The following SOX5 variants were observed in gnomAD, a reference collection of about 807,000 sequenced individuals.
SOX5 encodes the protein transcription factor SOX-5.
A neutral mutation model predicts 92.0 loss-of-function variants in SOX5; 9 were observed. The ratio of observed to expected loss-of-function variants is 0.10; its 90% confidence interval spans 0.06 to 0.17. SOX5 has a LOEUF of 0.17. SOX5 is among the 10% of genes least tolerant of loss of function. SOX5 has a pLI of 1.00. For synonymous variants in SOX5, 344 were observed against 336.3 expected, an observed-to-expected ratio of 1.02 and a Z score of -0.25; for missense variants, 642 against 944.5, an observed-to-expected ratio of 0.68 and a Z score of 4.20.
chr12:24,363,013 ATAT>A (rs1474552133), intron 2 of SOX5, among the ~76,000 whole-genome samples: 3 of 152,092 alleles, frequency 2.0e-5, no homozygotes, highest in Non-Finnish European at 4.4e-5. Context: ...ATGTAATCAA[ATAT>A]TATTCCTATT....
chr12:23,741,097 A>G (rs2093780241), intron 4 of SOX5, 58 bp from the exon 5 acceptor site: 1 of 1,363,350 alleles, frequency 7.3e-7, no homozygotes, highest in East Asian at 2.4e-5. Flanking sequence ...AATTATTTCA[A>G]TGAAAATGGC....
At chr12:23,712,800 CT>C (rs2092170916) in intron 6 of SOX5, among the ~76,000 whole-genome samples, 1 of 152,162 alleles carries the variant, frequency 6.6e-6, no homozygotes. Context: ...AATAAAGCAA[CT>C]TTGTACATTC....
At chr12:23,915,765 A>C (rs955900379) in intron 1 of SOX5, among the ~76,000 whole-genome samples, 5 of 152,210 alleles carry the variant, frequency 3.3e-5, no homozygotes, top group African/African-American at 1.2e-4. Flanking sequence ...AATCAAGGAC[A>C]GTAGGACATG....
chr12:24,493,984 C>T (rs1341133770), intron 1 of SOX5, among the ~76,000 whole-genome samples: 1 of 152,132 alleles, frequency 6.6e-6, no homozygotes, highest in Non-Finnish European at 1.5e-5. Context: ...TGATCACTTC[C>T]TCAATGATCG....
chr12:24,005,698 T>C (rs1245151517), intron 4 of SOX5, among the ~76,000 whole-genome samples: 1 of 152,192 alleles, frequency 6.6e-6, no homozygotes, highest in East Asian at 1.9e-4. Flanking sequence ...CTCTAGAATA[T>C]TTGGCACATA....
chr12:24,237,888 G>C (rs1226532441), intron 3 of SOX5: 1 of 152,114 alleles, frequency 6.6e-6, no homozygotes, highest in East Asian at 1.9e-4. Flanking sequence ...AAAGTGACCA[G>C]GGAAAGAATG....
At chr12:23,647,228 T>C (rs559935489) in intron 7 of SOX5, among the ~76,000 whole-genome samples, 10 of 152,310 alleles carry the variant, frequency 6.6e-5, no homozygotes, top group African/African-American at 2.2e-4. Flanking sequence ...CAACTGTCAA[T>C]GAGCAGTAAT....
chr12:24,188,935 A>C (rs66530221), intron 4 of SOX5, among the ~76,000 whole-genome samples: 19,548 of 152,180 alleles, frequency 0.13, 1,491 homozygotes, highest in East Asian at 0.38. Context: ...GTGATTTCTA[A>C]AAATGATTTG....
intron 3 of SOX5, among the ~76,000 whole-genome samples, chr12:24,258,090 T>C (rs1941516326): frequency 6.6e-6 from 1 of 152,084 alleles, no homozygotes; most frequent in Admixed American, 6.5e-5. Context: ...GGAGAATCGC[T>C]TGAACCCGGG....
At chr12:24,476,634 C>G (rs1309968921) in intron 1 of SOX5, among the ~76,000 whole-genome samples, 1 of 151,754 alleles carries the variant, frequency 6.6e-6, no homozygotes, top group African/African-American at 2.4e-5. Flanking sequence ...CAGGCCCCCA[C>G]GGCACTCTCT....
chr12:23,668,305 A>T (rs976109693), intron 6 of SOX5, among the ~76,000 whole-genome samples: 10 of 152,218 alleles, frequency 6.6e-5, no homozygotes, highest in African/African-American at 2.4e-4. Context: ...GAAGCTCGCA[A>T]GAATCTAACC....
Position 23,742,337 on chromosome 12 carries a change from G to A in SOX5, c.569-1298C>T, listed in dbSNP as rs183996986. On this transcript the variant is annotated intron_variant, in intron 4 of 14. Transcript: ENST00000451604. ...GAAAAGAAAATGTGTGAATAAGGCA[G>A]TAACCATTTCTTATGCTCTTTCTTA... Among the ~76,000 whole-genome samples, 4 of 152,274 alleles carry A rather than the reference G, an allele frequency of 2.6e-5. No individual in the cohort carries two copies. In the East Asian group the frequency reaches 7.7e-4, roughly 29 times the overall value.
chr12:23,901,889 AT>A (rs1174010263), intron 1 of SOX5, among the ~76,000 whole-genome samples: 2 of 152,334 alleles, frequency 1.3e-5, no homozygotes, highest in African/African-American at 4.8e-5. Flanking sequence ...TGCTTCGAAT[AT>A]GTCTCAGTAT....
At chr12:23,712,384 A>G (rs902350038) in intron 6 of SOX5, among the ~76,000 whole-genome samples, 3 of 152,190 alleles carry the variant, frequency 2.0e-5, no homozygotes, top group Admixed American at 6.6e-5. Context: ...CCTCCACTGA[A>G]CTGATATGGA....
At chr12:23,572,093 G>A (rs768582119) in intron 10 of SOX5, among the ~76,000 whole-genome samples, 53 of 152,190 alleles carry the variant, frequency 3.5e-4, no homozygotes, top group Non-Finnish European at 5.4e-4. Flanking sequence ...TATCATTTGC[G>A]TACCATATCA....
intron 4 of SOX5, among the ~76,000 whole-genome samples, chr12:24,090,650 A>G (rs1038058688): frequency 1.3e-5 from 2 of 152,234 alleles, no homozygotes; most frequent in African/African-American, 4.8e-5. Context: ...TACTATACCA[A>G]TAGTTTCATT....
chr12:24,470,050 C>T (rs751917357), intron 1 of SOX5, among the ~76,000 whole-genome samples: 30 of 152,120 alleles, frequency 2.0e-4, no homozygotes, highest in Non-Finnish European at 3.8e-4. Flanking sequence ...CTAGTGCATG[C>T]TAATATTACA....
chr12:23,900,148 G>A (rs2097216310), intron 1 of SOX5, among the ~76,000 whole-genome samples: 1 of 152,134 alleles, frequency 6.6e-6, no homozygotes, highest in Non-Finnish European at 1.5e-5. Context: ...AAAAAAAGAA[G>A]AGATTGAGGA....
At chr12:24,473,985 G>A (rs1225958015) in intron 1 of SOX5, among the ~76,000 whole-genome samples, 1 of 152,038 alleles carries the variant, frequency 6.6e-6, no homozygotes, top group African/African-American at 2.4e-5. Flanking sequence ...AATCAAAAAT[G>A]GATCTAATAA....
Sources: allele counts gnomAD v4.1 joint callset (sites outside exome capture counted in the v4.1 genomes callset), GRCh38; gene constraint gnomAD v4.1.1; transcripts MANE v1.5; gene names NCBI Gene and HGNC (gene_info 2026-07-23, HGNC 2026-07-21).